HEXB: variants seen among roughly 807,000 people sequenced by gnomAD.
The protein encoded by HEXB is beta-hexosaminidase subunit beta.
In HEXB, 51 loss-of-function variants were observed where a neutral mutation model predicts 71.2. That is an observed-to-expected ratio of 0.72 (90% CI 0.57 to 0.90). The LOEUF (loss-of-function observed/expected upper bound fraction) is 0.90, where lower values mean the gene tolerates loss of function less well. HEXB is among the 40% of genes least tolerant of loss of function. The pLI, the probability that HEXB is intolerant of heterozygous loss-of-function variation, is 0.00. For missense variants in HEXB, 617 were observed against 677.0 expected, an observed-to-expected ratio of 0.91 and a Z score of 0.98; for synonymous variants, 266 against 249.3, an observed-to-expected ratio of 1.07 and a Z score of -0.63.
In HEXB at chr5:74,705,336, T is replaced by G; in HGVS notation, c.771+16T>G. On this transcript the variant is annotated intron_variant, in intron 6 of 13. Coordinates refer to ENST00000261416, the MANE Select transcript of HEXB (RefSeq NM_000521.4). ...AAGCAATAAAGTGAGTAAATTGTAT[T>G]GTACTCTGTCTACAAAAACATTGGG... 1 of 1,323,158 alleles carries G rather than the reference T, an allele frequency of 7.6e-7. No individual in the cohort carries two copies. The highest frequency in any genetic ancestry group is 1.4e-5 in the African/African-American group (1 of 69,414). The allele number at this position is 1,323,158 out of a possible 1,614,324, so 82.0% of individuals were successfully genotyped here.
chr5:74,680,624 C>T (rs1242419155), upstream of HEXB, among the ~76,000 whole-genome samples: 2 of 152,156 alleles, frequency 1.3e-5, no homozygotes, highest in Non-Finnish European at 2.9e-5. Context: ...AGAAAGTATA[C>T]TCCTCCCTTC....
At chr5:74,649,467 T>A (rs1433572583) in intron 1 of HEXB, among the ~76,000 whole-genome samples, 2 of 152,218 alleles carry the variant, frequency 1.3e-5, no homozygotes, top group Non-Finnish European at 2.9e-5. Context: ...ACAGCAACCC[T>A]GAAAGAATAA....
chr5:74,655,006 C>A (rs1484667032), intron 1 of HEXB, among the ~76,000 whole-genome samples: 1 of 152,060 alleles, frequency 6.6e-6, no homozygotes, highest in African/African-American at 2.4e-5. Flanking sequence ...GACCTGCGGA[C>A]GGATCTGGAT....
rs549384868 is a variant in HEXB at position 74,651,176 on chromosome 5, C to T, written c.-377+10618C>T. Among the ~76,000 whole-genome samples, 7 of 152,244 alleles carry T rather than the reference C, an allele frequency of 4.6e-5. No homozygotes were observed. In the South Asian group the frequency reaches 1.5e-3, roughly 32 times the overall value. On this transcript the variant is annotated intron_variant, in intron 1 of 13. Transcript: ENST00000511181. ...ATTATAATTATTGGGCCCCATTTTA[C>T]TGATGAGAAACTGAGTCTGAGAGAA...
chr5:74,653,383 C>A (rs1453735071), intron 1 of HEXB, among the ~76,000 whole-genome samples: 1 of 152,184 alleles, frequency 6.6e-6, no homozygotes, highest in Non-Finnish European at 1.5e-5. Context: ...AGGTGGGCAA[C>A]TTTCCCCTCT....
intron 3 of HEXB, among the ~76,000 whole-genome samples, chr5:74,695,991 AC>A (rs917512701): frequency 1.6e-4 from 24 of 152,164 alleles, no homozygotes; most frequent in Non-Finnish European, 2.1e-4. Flanking sequence ...CTTAACAGAA[AC>A]TTTCAGAGTT....
In HEXB at chr5:74,641,807, T is replaced by A. The variant is rs959591243; in HGVS notation, c.-377+1249T>A. On this transcript the variant is annotated intron_variant, in intron 1 of 13. Coordinates refer to the HEXB transcript ENST00000511181. The surrounding 1 kb of genome is among the most constrained non-coding windows in gnomAD (Gnocchi z 4.1). ...CTGTCTTTTATTCGGTATTTGGAGC[T>A]AAGTCTATAAATGAACGGGATAGAT... Among the ~76,000 whole-genome samples, 5 of 152,188 alleles carry A rather than the reference T, an allele frequency of 3.3e-5. No individual in the cohort carries two copies. Among genetic ancestry groups the A allele is most frequent in the Non-Finnish European group, 7.4e-5 (5 of 68,024 alleles).
intron 1 of HEXB, chr5:74,640,593 C>G (rs1747825765): frequency 6.6e-6 from 1 of 152,350 alleles, no homozygotes; most frequent in African/African-American, 2.4e-5. Flanking sequence ...GCAGGCGCCG[C>G]GGAAGGAGGC....
At chr5:74,649,063 C>T (rs901896495) in intron 1 of HEXB, among the ~76,000 whole-genome samples, 1 of 152,186 alleles carries the variant, frequency 6.6e-6, no homozygotes, top group African/African-American at 2.4e-5. Flanking sequence ...AAACAATGAA[C>T]ATTGTGTGTA....
chr5:74,689,003 A>G (rs535105702), intron 1 of HEXB, among the ~76,000 whole-genome samples: 1 of 152,150 alleles, frequency 6.6e-6, no homozygotes, highest in Admixed American at 6.5e-5. Context: ...TTGGTTTTTC[A>G]TTCCCAAGAG....
At chr5:74,708,350 A>C (rs1749455160) in intron 6 of HEXB, among the ~76,000 whole-genome samples, 1 of 151,962 alleles carries the variant, frequency 6.6e-6, no homozygotes, top group Non-Finnish European at 1.5e-5. Context: ...CAAAGTGTAA[A>C]GACCATCGAG....
chr5:74,653,990 G>T (rs540674471), intron 1 of HEXB, among the ~76,000 whole-genome samples: 1 of 152,148 alleles, frequency 6.6e-6, no homozygotes, highest in South Asian at 2.1e-4. Context: ...AAAGATCAAG[G>T]TGTCACTTAT....
At chr5:74,693,081 A>G (rs758890964) in intron 2 of HEXB, among the ~76,000 whole-genome samples, 7 of 152,216 alleles carry the variant, frequency 4.6e-5, no homozygotes, top group Non-Finnish European at 1.0e-4. Flanking sequence ...CTTAAGGCAG[A>G]TTTGGATGAT....
intron 8 of HEXB, among the ~76,000 whole-genome samples, chr5:74,716,128 G>C (rs1749668326): frequency 6.6e-6 from 1 of 151,936 alleles, no homozygotes; most frequent in African/African-American, 2.4e-5. Flanking sequence ...TGCTTGTAAG[G>C]GTTTAAACTG....
intron 1 of HEXB, among the ~76,000 whole-genome samples, chr5:74,668,154 C>T (rs1748467936): frequency 6.6e-6 from 1 of 152,072 alleles, no homozygotes; most frequent in Admixed American, 6.6e-5. Context: ...GAGAGGGCTT[C>T]AGGAGAGTTG....
intron 1 of HEXB, among the ~76,000 whole-genome samples, chr5:74,686,618 T>C (rs1026885368): frequency 3.3e-5 from 5 of 152,212 alleles, no homozygotes; most frequent in African/African-American, 1.2e-4. Context: ...AAATGGTTCA[T>C]TCTCTACAAT....
At chr5:74,720,612 C>G in intron 12 of HEXB, 31 bp from the exon 13 acceptor site, 1 of 1,604,596 alleles carries the variant, frequency 6.2e-7, no homozygotes, top group Non-Finnish European at 8.5e-7. Flanking sequence ...ATTTAAACTG[C>G]TTGCGGGGGG....
At chr5:74,670,204 C>T (rs1748506762) in intron 1 of HEXB, among the ~76,000 whole-genome samples, 1 of 151,948 alleles carries the variant, frequency 6.6e-6, no homozygotes, top group African/African-American at 2.4e-5. Context: ...TGTACACTCT[C>T]ATGCCCACCT....
At chr5:74,684,872 T>G (rs1748817743), upstream of HEXB, among the ~76,000 whole-genome samples, 1 of 152,066 alleles carries the variant, frequency 6.6e-6, no homozygotes, top group African/African-American at 2.4e-5. Flanking sequence ...AGTCGGGGTT[T>G]CACCAATTTG....
Sources: allele counts gnomAD v4.1 joint callset (sites outside exome capture counted in the v4.1 genomes callset), GRCh38; gene constraint gnomAD v4.1.1; non-coding constraint Gnocchi (gnomAD v3.1); transcripts MANE v1.5; gene names NCBI Gene and HGNC (gene_info 2026-07-23, HGNC 2026-07-21).